The following PIWIL1 variants were observed in gnomAD, a reference collection of about 807,000 sequenced individuals.
The protein encoded by PIWIL1 is piwi like RNA-mediated gene silencing 1, also known as piwi-like protein 1.
In PIWIL1, 73 loss-of-function variants were observed where a neutral mutation model predicts 114.4. The ratio of observed to expected loss-of-function variants is 0.64; its 90% CI spans 0.53 to 0.78. The LOEUF (loss-of-function observed/expected upper bound fraction) is 0.78, where lower values mean the gene tolerates loss of function less well. Among genes scored for constraint, PIWIL1 ranks in the 30% least tolerant of loss-of-function variants. The pLI, the probability that PIWIL1 is intolerant of heterozygous loss-of-function variation, is 0.00. For synonymous variants in PIWIL1, 375 were observed against 369.0 expected, an observed-to-expected ratio of 1.02 and a Z score of -0.19; for missense variants, 723 against 1,063.1, an observed-to-expected ratio of 0.68 and a Z score of 4.45.
intron 19 of PIWIL1, among the ~76,000 whole-genome samples, chr12:130,370,093 G>C (rs2073777330): frequency 1.3e-5 from 2 of 152,088 alleles, no homozygotes; most frequent in Non-Finnish European, 2.9e-5. Flanking sequence ...TCTTTGAAAA[G>C]GTAGCTATAC....
Position 130,340,577 on chromosome 12 carries a change from T to A in PIWIL1, c.-12-2003T>A, listed in dbSNP as rs1027899880. ...TCACTCACTGCGGCTCACTTCCTGC[T>A]GTGTGGCCTGGTTCCGGTACAGGTC... On this transcript the variant is annotated intron_variant, in intron 1 of 20. Transcript: ENST00000245255. 2.1e-5 allele frequency among the ~76,000 whole-genome samples: 3 copies of A among 141,242 alleles called. No individual in the cohort carries two copies. The Admixed American group carries it at 2.2e-4, about 10-fold the overall frequency. The allele number at this position is 141,242 out of a possible 152,430, so 92.7% of individuals were successfully genotyped here.
chr12:130,366,909 G>A (rs149003836), intron 18 of PIWIL1, among the ~76,000 whole-genome samples: 17 of 152,304 alleles, frequency 1.1e-4, no homozygotes, highest in East Asian at 1.9e-4. Context: ...CTACATGACC[G>A]TGTGTCACAG....
At chr12:130,414,504 C>A in the PIWIL1 span, 1 of 510,824 alleles carries the variant, frequency 2.0e-6, no homozygotes. Context: ...CACAGCCACA[C>A]TCTGTACCTG....
At chr12:130,341,788 T>C (rs1269286668) in intron 1 of PIWIL1, among the ~76,000 whole-genome samples, 1 of 152,202 alleles carries the variant, frequency 6.6e-6, no homozygotes, top group African/African-American at 2.4e-5. Context: ...CCTGATGACA[T>C]TGTGTACCAC....
chr12:130,399,143 T>A, the PIWIL1 span: 1 of 1,399,386 alleles, frequency 7.1e-7, no homozygotes. Context: ...GATTAAGGTG[T>A]GAAATGAACA....
At chr12:130,409,508 A>AATTTTTTTGT in the PIWIL1 span, among the ~76,000 whole-genome samples, 5 of 151,588 alleles carry the variant, frequency 3.3e-5, no homozygotes, top group Admixed American at 2.0e-4. Flanking sequence ...ACGCCCGGCT[A>AATTTTTTTGT]ATTTTTTTGT....
At chr12:130,358,064 CT>C (rs2073413388) in intron 14 of PIWIL1, among the ~76,000 whole-genome samples, 1 of 152,218 alleles carries the variant, frequency 6.6e-6, no homozygotes, top group African/African-American at 2.4e-5. Flanking sequence ...CTCTCCTAAG[CT>C]CTTTCCCCTT....
chr12:130,342,722 C>T, intron 2 of PIWIL1, 53 bp downstream of exon 2: 1 of 1,379,172 alleles, frequency 7.3e-7, no homozygotes, highest in Non-Finnish European at 1.0e-6. Flanking sequence ...TCTTGATCAG[C>T]CTAGGCTGTT....
At chr12:130,387,826 T>C in the PIWIL1 span, among the ~76,000 whole-genome samples, 3 of 152,272 alleles carry the variant, frequency 2.0e-5, no homozygotes, top group Non-Finnish European at 4.4e-5. Context: ...TATTAATTAC[T>C]ATTTATTTTT....
At chr12:130,339,935 C>A (rs555577492) in intron 1 of PIWIL1, among the ~76,000 whole-genome samples, 22 of 152,200 alleles carry the variant, frequency 1.4e-4, no homozygotes, top group Non-Finnish European at 3.1e-4. Context: ...CAGCTTGTCA[C>A]TGTTTTTTAA....
chr12:130,354,443 T>C, intron 9 of PIWIL1, 94 bp from the exon 10 acceptor site: 2 of 1,508,288 alleles, frequency 1.3e-6, no homozygotes, highest in South Asian at 2.4e-5. Context: ...TGGCATCAGC[T>C]CTTTATTTTT....
intron 14 of PIWIL1, among the ~76,000 whole-genome samples, chr12:130,358,738 T>C (rs2136170297): frequency 6.6e-6 from 1 of 152,354 alleles, no homozygotes; most frequent in East Asian, 1.9e-4. Flanking sequence ...GACTTCACTG[T>C]TTGTCCAGCT....
At chr12:130,407,644 C>A in the PIWIL1 span, 3 of 1,058,936 alleles carry the variant, frequency 2.8e-6, no homozygotes, top group Non-Finnish European at 4.5e-6. Flanking sequence ...GAGGTGAACA[C>A]ACGTGGCCTC....
At chr12:130,349,188 G>C (rs1247729550) in intron 7 of PIWIL1, 51 bp from the exon 8 acceptor site, 1 of 1,372,116 alleles carries the variant, frequency 7.3e-7, no homozygotes, top group African/African-American at 1.4e-5. Flanking sequence ...AGTGTGTGCA[G>C]AATGTGTTGA....
At chr12:130,415,812 C>T in the PIWIL1 span, among the ~76,000 whole-genome samples, 1 of 152,272 alleles carries the variant, frequency 6.6e-6, no homozygotes, top group Admixed American at 6.5e-5. Flanking sequence ...ACCCTGAAGA[C>T]TCTGCTAAAA....
At chr12:130,398,980 A>G in the PIWIL1 span, 1 of 409,524 alleles carries the variant, frequency 2.4e-6, no homozygotes, top group African/African-American at 2.1e-5. Context: ...TTTAGGTCCA[A>G]TAGTTTTTTG....
At chr12:130,384,625 A>T in the PIWIL1 span, among the ~76,000 whole-genome samples, 2 of 152,326 alleles carry the variant, frequency 1.3e-5, no homozygotes, top group East Asian at 3.9e-4. Flanking sequence ...GATGCCCAGC[A>T]TGTTTCCAGA....
At chr12:130,380,056 C>G in the PIWIL1 span, among the ~76,000 whole-genome samples, 26 of 70,264 alleles carry the variant, frequency 3.7e-4, no homozygotes, top group African/African-American at 1.4e-3. Context: ...CCTCATCCCA[C>G]TTCCCATCCA....
chr12:130,398,978 C>T, the PIWIL1 span: 1 of 401,476 alleles, frequency 2.5e-6, no homozygotes, highest in East Asian at 3.8e-5. Context: ...TATTTAGGTC[C>T]AATAGTTTTT....
Sources: allele counts gnomAD v4.1 joint callset (sites outside exome capture counted in the v4.1 genomes callset), GRCh38; gene constraint gnomAD v4.1.1; transcripts MANE v1.5; gene names NCBI Gene and HGNC (gene_info 2026-07-23, HGNC 2026-07-21).